Variants in NRXN1 observed in about 807,000 individuals in gnomAD.
The protein encoded by NRXN1 is neurexin 1, also known as neurexin-1.
Under a neutral mutation model 150.9 loss-of-function variants are expected in NRXN1, and 39 were observed. The observed-to-expected ratio is 0.26, with a 90% CI of 0.20 to 0.34. The LOEUF is 0.34. NRXN1 is among the 10% of genes least tolerant of loss of function. The pLI, the probability that NRXN1 is intolerant of heterozygous loss-of-function variation, is 1.00. For missense variants in NRXN1, 1,815 were observed against 1,949.9 expected, an observed-to-expected ratio of 0.93 and a Z score of 1.30; for synonymous variants, 924 against 757.0, an observed-to-expected ratio of 1.22 and a Z score of -3.62.
intron 8 of NRXN1, among the ~76,000 whole-genome samples, chr2:50,598,867 C>T (rs765958703): frequency 2.0e-5 from 3 of 151,778 alleles, no homozygotes; most frequent in Non-Finnish European, 4.4e-5. Context: ...AAGTGATTCT[C>T]CTGCCTCAGC....
At chr2:50,178,562 G>C (rs2060495144) in intron 18 of NRXN1, among the ~76,000 whole-genome samples, 1 of 151,928 alleles carries the variant, frequency 6.6e-6, no homozygotes, top group Non-Finnish European at 1.5e-5. Context: ...ACATTAAACA[G>C]GGTTCAAAGG....
intron 2 of NRXN1, among the ~76,000 whole-genome samples, chr2:50,969,776 A>G (rs1038186020): frequency 1.3e-5 from 2 of 152,198 alleles, no homozygotes; most frequent in East Asian, 3.8e-4. Flanking sequence ...GGAGAACCTC[A>G]GAAGGTTTGC....
At chr2:50,221,659 C>T (rs914689699) in intron 18 of NRXN1, among the ~76,000 whole-genome samples, 1 of 151,926 alleles carries the variant, frequency 6.6e-6, no homozygotes, top group African/African-American at 2.4e-5. Flanking sequence ...ACTATAGATG[C>T]AATAGGACTG....
At chr2:50,238,281 G>C (rs2065663111) in intron 17 of NRXN1, among the ~76,000 whole-genome samples, 1 of 151,982 alleles carries the variant, frequency 6.6e-6, no homozygotes, top group Non-Finnish European at 1.5e-5. Flanking sequence ...TCTTCTGACT[G>C]CTTAAAATGG....
At chr2:50,193,804 C>G (rs1025607432) in intron 18 of NRXN1, among the ~76,000 whole-genome samples, 5 of 151,616 alleles carry the variant, frequency 3.3e-5, no homozygotes, top group African/African-American at 7.3e-5. Context: ...TCTGTGGTCA[C>G]AAAACTATCT....
chr2:50,848,462 C>G (rs1370166620), intron 5 of NRXN1, among the ~76,000 whole-genome samples: 9 of 152,206 alleles, frequency 5.9e-5, no homozygotes, highest in African/African-American at 2.2e-4. Context: ...CTGCCCCCTA[C>G]AGCTCTGCTT....
At chr2:50,623,657 A>C (rs923213545) in intron 5 of NRXN1, 42 bp from the exon 6 acceptor site, 3 of 1,436,854 alleles carry the variant, frequency 2.1e-6, no homozygotes, top group East Asian at 2.3e-5. Context: ...AAACAAATAC[A>C]CTATGCAAAT....
chr2:50,758,957 C>T lies in NRXN1; in HGVS notation c.833-135342G>A, dbSNP rs1278647424. 3.2e-4 allele frequency among the ~76,000 whole-genome samples: 48 copies of T among 151,768 alleles called. 1 individual carries two copies. The highest frequency in any genetic ancestry group is 3.2e-3 in the Admixed American group (48 of 15,226). On this transcript the variant is annotated intron_variant, in intron 5 of 22. Coordinates refer to ENST00000401669, the MANE Select transcript of NRXN1 (RefSeq NM_001330078.2). ...TTTATCCCATAAAATGACTGTGGCCCAAGGGAATGTATCAGAAACCTGTGC... is the reference window on the plus strand; with the variant it reads ...TTTATCCCATAAAATGACTGTGGCCTAAGGGAATGTATCAGAAACCTGTGC...
rs858944 is a variant in NRXN1 at position 50,725,025 on chromosome 2, C to T, written c.833-101410G>A. ...AAAGTAACTGCCTTTGTGGAGCTTG[C>T]TTCCTGATTATCAGGTTACGTAATA... is the stretch of plus-strand genomic sequence containing the variant. On this transcript the variant is annotated intron_variant, in intron 5 of 22. Transcript: ENST00000401669. Among the ~76,000 whole-genome samples the T allele has an allele frequency of 6.1e-3, 923 of 152,244 alleles. 4 individuals carry two copies. Among genetic ancestry groups the T allele is most frequent in the Non-Finnish European group, 0.011 (729 of 68,008 alleles).
chr2:50,057,617 C>A (rs939599766), intron 19 of NRXN1, among the ~76,000 whole-genome samples: 1 of 152,172 alleles, frequency 6.6e-6, no homozygotes, highest in Non-Finnish European at 1.5e-5. Context: ...TTCTTCAGTG[C>A]TTACTTGCAC....
intron 18 of NRXN1, among the ~76,000 whole-genome samples, chr2:50,098,830 G>GTTTTTTTTTTTTT (rs746736925): frequency 1.8e-4 from 19 of 105,550 alleles, no homozygotes; most frequent in South Asian, 6.9e-4. Context: ...TTTGGTTTTA[G>GTTTTTTTTTTTTT]TTTTTTTTTT....
chr2:50,202,936 G>C (rs2062288424), intron 18 of NRXN1, among the ~76,000 whole-genome samples: 1 of 152,070 alleles, frequency 6.6e-6, no homozygotes, highest in Admixed American at 6.6e-5. Flanking sequence ...AAAGTAAACA[G>C]TGAAAGGGAC....
At chr2:50,355,183 GTCTC>G (rs1014061238) in intron 17 of NRXN1, among the ~76,000 whole-genome samples, 7 of 150,866 alleles carry the variant, frequency 4.6e-5, no homozygotes, top group African/African-American at 1.7e-4. Flanking sequence ...TTCAAATTGA[GTCTC>G]TATCTGGGAT....
At chr2:50,757,531 T>C (rs569361794) in intron 5 of NRXN1, among the ~76,000 whole-genome samples, 2 of 151,914 alleles carry the variant, frequency 1.3e-5, no homozygotes, top group East Asian at 3.9e-4. Context: ...AACTATGATA[T>C]ATGAATACAA....
chr2:50,206,591 G>A (rs189613084), intron 18 of NRXN1, among the ~76,000 whole-genome samples: 1 of 151,654 alleles, frequency 6.6e-6, no homozygotes, highest in Non-Finnish European at 1.5e-5. Context: ...ATCACACCTC[G>A]GGACAGCACA....
Position 50,552,619 on chromosome 2 carries a change from T to C in NRXN1, c.1727A>G (p.Tyr576Cys), listed in dbSNP as rs557021963. 1 of 1,613,860 alleles carries C rather than the reference T, an allele frequency of 6.2e-7. No homozygotes were observed. The highest frequency in any genetic ancestry group is 1.1e-5 in the South Asian group (1 of 91,078). Residue 576 changes from tyrosine (Y) to cysteine (C), a missense_variant, in exon 9 of 23, where the codon TAT (tyrosine) becomes TGT (cysteine). This residue lies in a region of NRXN1 where 638 missense variants were observed against 652.6 expected (regional missense o/e 0.98). Transcript: ENST00000401669. The stretch of plus-strand genomic sequence containing the variant: ...TCCGTCTCTCTGGAAGTCCACATGA[T>C]ACCATTCTCCATCATTCACTTTCTT... ...LLKKVNDGEW[Y>C]HVDFQRDGRS...
intron 5 of NRXN1, among the ~76,000 whole-genome samples, chr2:50,766,659 C>T (rs1263193407): frequency 6.6e-6 from 1 of 152,050 alleles, no homozygotes; most frequent in Non-Finnish European, 1.5e-5. Flanking sequence ...TGATGCACTG[C>T]TATCCTACCA....
At chr2:50,848,867 C>G (rs992239463) in intron 5 of NRXN1, among the ~76,000 whole-genome samples, 1 of 152,056 alleles carries the variant, frequency 6.6e-6, no homozygotes, top group Non-Finnish European at 1.5e-5. Context: ...ACAACTGCCA[C>G]CCTGGGATTT....
At chr2:50,172,144 C>G (rs1044256552) in intron 18 of NRXN1, among the ~76,000 whole-genome samples, 2 of 152,096 alleles carry the variant, frequency 1.3e-5, no homozygotes, top group Non-Finnish European at 2.9e-5. Context: ...AAGGCAACAG[C>G]GCCTTCTGAA....
Sources: allele counts gnomAD v4.1 joint callset (sites outside exome capture counted in the v4.1 genomes callset), GRCh38; gene constraint gnomAD v4.1.1; regional missense constraint gnomAD v4.1.1; transcripts MANE v1.5; gene names NCBI Gene and HGNC (gene_info 2026-07-23, HGNC 2026-07-21).